The following ANKRD42 variants were observed in gnomAD, a reference collection of about 807,000 sequenced individuals.
ANKRD42 encodes the protein ankyrin repeat domain-containing protein 42.
ANKRD42 carries 43 observed loss-of-function variants against 51.5 expected under a neutral mutation model. The ratio of observed to expected loss-of-function variants is 0.83; its 90% confidence interval spans 0.65 to 1.08. The LOEUF (loss-of-function observed/expected upper bound fraction) is 1.08. ANKRD42 is among the 50% of genes least tolerant of loss of function. ANKRD42 has a pLI of 0.00. For synonymous variants in ANKRD42, 203 were observed against 213.0 expected (o/e 0.95, Z 0.41); for missense variants, 608 against 629.3 (o/e 0.97, Z 0.36).
chr11:83,195,485 C>T (rs1432828087), intron 1 of ANKRD42, among the ~76,000 whole-genome samples: 2 of 152,290 alleles, frequency 1.3e-5, no homozygotes, highest in African/African-American at 2.4e-5. Context: ...CCGTATCTCT[C>T]CTCGGAGCTG....
rs753990208 is a variant in ANKRD42 at position 83,210,338 on chromosome 11, T to C, written c.369T>C (p.Asp123=). The change falls in exon 4 of 11, where the codon GAT becomes GAC. Residue 123 remains aspartate (D), a synonymous_variant. Transcript: ENST00000533342. ...IMNGANLTAQ[D]DRGCTPLHLA... ...ATGGAGCAAATCTGACAGCCCAGGA[T>C]GACCGGGGATGCACTCCTTTACATC... 1 of 1,613,998 alleles carries C rather than the reference T, an allele frequency of 6.2e-7. No individual in the cohort carries two copies. Among genetic ancestry groups the C allele is most frequent in the South Asian group, 1.1e-5 (1 of 91,080 alleles).
intron 2 of ANKRD42, among the ~76,000 whole-genome samples, chr11:83,205,235 G>A (rs1224340148): frequency 6.6e-6 from 1 of 152,198 alleles, no homozygotes; most frequent in African/African-American, 2.4e-5. Context: ...CCTGAACAAT[G>A]CACATAATAG....
chr11:83,255,899 G>A (rs993188242), exon 12 of ANKRD42: 5 of 1,534,606 alleles, frequency 3.3e-6, no homozygotes, highest in East Asian at 4.9e-5. Flanking sequence ...AAAAAAAAAG[G>A]TTTCTTCTGG....
intron 4 of ANKRD42, 66 bp downstream of exon 4, chr11:83,210,485 A>G: frequency 1.3e-6 from 2 of 1,565,940 alleles, no homozygotes; most frequent in Non-Finnish European, 1.7e-6. Context: ...TTGGTAGTCT[A>G]GTTATCTCTT....
At chr11:83,210,137 T>A in intron 3 of ANKRD42, 163 bp from the exon 4 acceptor site, 1 of 590,786 alleles carries the variant, frequency 1.7e-6, no homozygotes, top group Non-Finnish European at 2.7e-6. Context: ...TTTCTTAGCA[T>A]TAGCTGAGAA....
chr11:83,234,674 A>G (rs1478924234), intron 7 of ANKRD42, among the ~76,000 whole-genome samples: 2 of 152,244 alleles, frequency 1.3e-5, no homozygotes, highest in Non-Finnish European at 2.9e-5. Context: ...AGCATTATCC[A>G]TGCTCATAAA....
chr11:83,257,078 G>C (rs542925973), downstream of ANKRD42, among the ~76,000 whole-genome samples: 2 of 152,130 alleles, frequency 1.3e-5, no homozygotes, highest in South Asian at 2.1e-4. Flanking sequence ...TGAATATAAG[G>C]GTTATTAAAA....
downstream of ANKRD42, among the ~76,000 whole-genome samples, chr11:83,253,342 G>GT (rs1863707440): frequency 6.6e-6 from 1 of 152,166 alleles, no homozygotes. Flanking sequence ...GTCTGTACTG[G>GT]TAAGCAAGAA....
At chr11:83,251,462 T>C (rs529726998), downstream of ANKRD42, among the ~76,000 whole-genome samples, 6 of 152,282 alleles carry the variant, frequency 3.9e-5, no homozygotes, top group Non-Finnish European at 8.8e-5. Flanking sequence ...GACTTTATAT[T>C]CAGCAGATAC....
At chr11:83,199,651 G>A (rs947944881) in intron 2 of ANKRD42, among the ~76,000 whole-genome samples, 3 of 152,172 alleles carry the variant, frequency 2.0e-5, no homozygotes, top group Admixed American at 2.0e-4. Context: ...CATGATTCAA[G>A]GTTATGTGTA....
chr11:83,232,049 T>G (rs1219151925), intron 7 of ANKRD42, among the ~76,000 whole-genome samples: 1 of 152,142 alleles, frequency 6.6e-6, no homozygotes, highest in Non-Finnish European at 1.5e-5. Flanking sequence ...TTCTTTTTGC[T>G]TAAGATAGCT....
chr11:83,241,525 C>A (rs1455761679), intron 9 of ANKRD42, among the ~76,000 whole-genome samples: 1 of 151,842 alleles, frequency 6.6e-6, no homozygotes, highest in East Asian at 1.9e-4. Flanking sequence ...CTTGGAAGAA[C>A]GTGCCAGCAG....
intron 9 of ANKRD42, among the ~76,000 whole-genome samples, chr11:83,242,566 A>ATTTTTTTTTTTTTTTTTTT (rs1565196033): frequency 1.5e-5 from 1 of 64,922 alleles, no homozygotes; most frequent in Non-Finnish European, 3.1e-5. Flanking sequence ...ATGGTAGTTA[A>ATTTTTTTTTTTTTTTTTTT]GTTTTTTTTT....
In ANKRD42 at chr11:83,213,631, A is replaced by T. The variant is rs562740784; in HGVS notation, c.586+2201A>T. ...AATTTACATTTTTCCTGATGACTAAAGATGTTGAACATCATTTCGTACGTT... is the reference window on the plus strand; with the variant it reads ...AATTTACATTTTTCCTGATGACTAATGATGTTGAACATCATTTCGTACGTT... On this transcript the variant is annotated intron_variant, in intron 5 of 10. Transcript: ENST00000533342. 62 of 949,230 alleles carry T rather than the reference A, an allele frequency of 6.5e-5. No individual in the cohort carries two copies. The South Asian group carries it at 1.3e-3, about 20-fold the overall frequency. 58.8% of individuals were successfully genotyped at this position (949,230 alleles called of 1,614,324 possible). A position where few individuals can be genotyped will look rare whatever the true frequency, so the allele number is the denominator to read the frequency against.
Position 83,227,762 on chromosome 11 carries a change from G to A in ANKRD42, c.803G>A (p.Gly268Asp). The A allele has an allele frequency of 6.2e-7, 1 of 1,611,020 alleles. No homozygotes were observed. Among genetic ancestry groups the A allele is most frequent in the Non-Finnish European group, 8.5e-7 (1 of 1,179,100 alleles). Reference protein sequence around the residue: ...LEDQETLAFPGHVAAFKGDLG... With the variant: ...LEDQETLAFPDHVAAFKGDLG... The stretch of plus-strand genomic sequence containing the variant: ...TTATTCATAGCTTTAGCATTTCCAG[G>A]TCATGTGGCTGCCTTTAAGGGTGAT... Residue 268 changes from glycine (G) to aspartate (D), a missense_variant, in exon 7 of 11, where the codon GGT (glycine) becomes GAT (aspartate). Coordinates refer to ENST00000533342, the MANE Select transcript of ANKRD42 (RefSeq NM_001300975.2).
intron 5 of ANKRD42, among the ~76,000 whole-genome samples, chr11:83,216,975 A>T (rs557800764): frequency 7.0e-6 from 1 of 142,024 alleles, no homozygotes; most frequent in Non-Finnish European, 1.6e-5. Flanking sequence ...GGTGTCCTCC[A>T]GAGGGGATCT....
chr11:83,198,660 T>A lies in ANKRD42; in HGVS notation c.222+18T>A. 6.4e-7 allele frequency: 1 copy of A among 1,552,546 alleles called. No individual in the cohort carries two copies. The highest frequency in any genetic ancestry group is 8.7e-7 in the Non-Finnish European group (1 of 1,147,376). ...GTTTGGAGGTAAGAAACTATACATATCACTAAACTGAGGTAAGTTTTAGCT... is the reference window on the plus strand; with the variant it reads ...GTTTGGAGGTAAGAAACTATACATAACACTAAACTGAGGTAAGTTTTAGCT... On this transcript the variant is annotated intron_variant, in intron 2 of 10. Coordinates refer to ENST00000533342, the MANE Select transcript of ANKRD42 (RefSeq NM_001300975.2).
At chr11:83,256,568 T>C (rs1472441948), downstream of ANKRD42, among the ~76,000 whole-genome samples, 10 of 152,172 alleles carry the variant, frequency 6.6e-5, no homozygotes, top group Admixed American at 5.9e-4. Flanking sequence ...TCTTTTCTCT[T>C]CTCTTCCCTC....
intron 2 of ANKRD42, among the ~76,000 whole-genome samples, chr11:83,204,603 A>G (rs1861997762): frequency 6.6e-6 from 1 of 152,140 alleles, no homozygotes; most frequent in South Asian, 2.1e-4. Flanking sequence ...CATGAAACGA[A>G]CGAACTTGGC....
Sources: gnomAD v4.1 joint callset for allele counts (sites outside exome capture counted in the v4.1 genomes callset) on GRCh38, gnomAD v4.1.1 for gene constraint, MANE v1.5 for transcripts, NCBI Gene and HGNC (gene_info 2026-07-23, HGNC 2026-07-21) for gene names.